The following ZNF385D variants were observed in gnomAD, a reference collection of about 807,000 sequenced individuals.
The protein encoded by ZNF385D is zinc finger protein 385D.
ZNF385D carries 15 observed loss-of-function variants against 35.8 expected under a neutral mutation model. The ratio of observed to expected loss-of-function variants is 0.42; its 90% CI spans 0.28 to 0.64. The LOEUF (loss-of-function observed/expected upper bound fraction) is 0.64. Among genes scored for constraint, ZNF385D ranks in the 30% least tolerant of loss-of-function variants. ZNF385D has a pLI of 0.23. For missense variants in ZNF385D, 474 were observed against 494.6 expected (o/e 0.96, Z 0.39); for synonymous variants, 212 against 186.8 (o/e 1.13, Z -1.10).
intron 3 of ZNF385D, among the ~76,000 whole-genome samples, chr3:21,923,596 T>C (rs950596602): frequency 1.3e-4 from 20 of 152,134 alleles, no homozygotes; most frequent in African/African-American, 4.6e-4. Flanking sequence ...ACCAAAGATA[T>C]GGAATCAACC....
At chr3:22,214,761 TGATAA>T (rs1171248725) in intron 2 of ZNF385D, among the ~76,000 whole-genome samples, 3 of 152,184 alleles carry the variant, frequency 2.0e-5, no homozygotes, top group Admixed American at 1.3e-4. Context: ...CCCTGTCTCC[TGATAA>T]GATGTTATCA....
intron 3 of ZNF385D, among the ~76,000 whole-genome samples, chr3:22,161,818 C>G (rs756008715): frequency 6.6e-6 from 1 of 152,092 alleles, no homozygotes; most frequent in Non-Finnish European, 1.5e-5. Context: ...ATGACATAAA[C>G]TCAATAACAT....
rs150704910 is a variant in ZNF385D, at chr3:22,332,574, T to C, written c.106+39876A>G. On this transcript the variant is annotated intron_variant, in intron 2 of 5. Coordinates refer to the ZNF385D transcript ENST00000494108. Reference sequence around the variant, plus strand: ...TTAATAAAACAAGAGTTGAGAAGAATGGATAGCAAGGAAACAAAAAATTCA... The same window carrying C: ...TTAATAAAACAAGAGTTGAGAAGAACGGATAGCAAGGAAACAAAAAATTCA... Among the ~76,000 whole-genome samples, 1,298 of 151,912 alleles carry C rather than the reference T, an allele frequency of 8.5e-3. 18 individuals carry two copies. The highest frequency in any genetic ancestry group is 0.03 in the African/African-American group (1,248 of 41,460).
chr3:21,418,650 G>A lies in ZNF385D; in HGVS notation c.*2564C>T, dbSNP rs1448957036. 1 of 152,158 alleles carries A rather than the reference G, an allele frequency of 6.6e-6. No individual in the cohort carries two copies. The highest frequency in any genetic ancestry group is 1.5e-5 in the Non-Finnish European group (1 of 68,008). The allele number at this position is 152,158 out of a possible 1,614,324, so 9.4% of individuals were successfully genotyped here. ...GTAATGCCTTGTGACCCAGGACACT[G>A]TGTATCCCATAGGCCCTGATTTTTA... On this transcript the variant is annotated 3_prime_UTR_variant, in exon 8 of 8. Coordinates refer to ENST00000281523, the MANE Select transcript of ZNF385D (RefSeq NM_024697.3).
intron 2 of ZNF385D, among the ~76,000 whole-genome samples, chr3:21,608,012 C>CTTCTTTTTTTTTTTTTTT (rs2064536095): frequency 9.7e-5 from 12 of 123,956 alleles, no homozygotes; most frequent in African/African-American, 3.8e-4. Flanking sequence ...TCTTTTTCTT[C>CTTCTTTTTTTTTTTTTTT]TTTTTTTTTT....
intron 2 of ZNF385D, among the ~76,000 whole-genome samples, chr3:22,189,712 AT>A (rs1317137050): frequency 2.6e-5 from 4 of 152,110 alleles, no homozygotes; most frequent in Non-Finnish European, 5.9e-5. Context: ...ATATTTTTAG[AT>A]TTGTATGCCT....
chr3:21,937,655 ATGAC>A lies in ZNF385D; in HGVS notation c.325+231158_325+231161del, dbSNP rs563856649. Among the ~76,000 whole-genome samples the A allele has an allele frequency of 2.5e-3, 376 of 152,124 alleles. 1 individual carries two copies. Among genetic ancestry groups the A allele is most frequent in the African/African-American group, 8.6e-3 (358 of 41,572 alleles). ...AAACCTGTACATTATAAAAATTTAA[ATGAC>A]GTTATTTTCATGAAATTAAAGAAAA... On this transcript the variant is annotated intron_variant, in intron 3 of 5. Transcript: ENST00000494108.
intron 4 of ZNF385D, among the ~76,000 whole-genome samples, chr3:21,496,626 G>C (rs1575050855): frequency 1.4e-5 from 2 of 145,492 alleles, no homozygotes; most frequent in South Asian, 4.2e-4. Flanking sequence ...CAATATCCTT[G>C]ATGAACATAG....
At chr3:22,092,987 T>C (rs1701409819) in intron 3 of ZNF385D, among the ~76,000 whole-genome samples, 1 of 152,152 alleles carries the variant, frequency 6.6e-6, no homozygotes, top group Non-Finnish European at 1.5e-5. Context: ...CAAATAAACT[T>C]ATCAAAACTT....
chr3:21,630,002 C>T (rs932323429), intron 2 of ZNF385D, among the ~76,000 whole-genome samples: 1 of 103,948 alleles, frequency 9.6e-6, no homozygotes, highest in African/African-American at 3.2e-5. Context: ...GAAAGTGTCC[C>T]TCTGTATATT....
intron 2 of ZNF385D, among the ~76,000 whole-genome samples, chr3:22,238,449 A>C (rs1699310998): frequency 6.6e-6 from 1 of 150,948 alleles, no homozygotes; most frequent in Admixed American, 6.6e-5. Context: ...ACAAATATGA[A>C]ATGCCGTTCC....
At chr3:22,104,944 G>C (rs1245420311) in intron 3 of ZNF385D, among the ~76,000 whole-genome samples, 1 of 152,156 alleles carries the variant, frequency 6.6e-6, no homozygotes, top group Non-Finnish European at 1.5e-5. Flanking sequence ...ACTGAAGCTT[G>C]TTGCAACTTG....
chr3:21,639,600 A>G (rs1033606819), intron 2 of ZNF385D, among the ~76,000 whole-genome samples: 1 of 152,026 alleles, frequency 6.6e-6, no homozygotes, highest in Non-Finnish European at 1.5e-5. Context: ...CCTCATTGGT[A>G]GACACTTGGC....
intron 2 of ZNF385D, among the ~76,000 whole-genome samples, chr3:22,283,527 A>G (rs1000144097): frequency 6.6e-6 from 1 of 152,150 alleles, no homozygotes; most frequent in African/African-American, 2.4e-5. Flanking sequence ...TCTTTCAGTT[A>G]AAGGCAATAT....
chr3:22,206,316 T>G (rs1279163842), intron 2 of ZNF385D, among the ~76,000 whole-genome samples: 1 of 151,896 alleles, frequency 6.6e-6, no homozygotes, highest in Non-Finnish European at 1.5e-5. Context: ...AGATAGACCC[T>G]AATACAATAG....
At position 21,732,030 on chromosome 3, in the gene ZNF385D, G is replaced by GTTTTTTTTTTTTTTTTTTTTTTT. The variant is rs1214143626; in HGVS notation, c.22+18842_22+18864dup. 8.0e-5 allele frequency among the ~76,000 whole-genome samples: 3 copies of GTTTTTTTTTTTTTTTTTTTTTTT among 37,368 alleles called. 1 individual carries two copies. Among genetic ancestry groups the GTTTTTTTTTTTTTTTTTTTTTTT allele is most frequent in the Non-Finnish European group, 1.7e-4 (3 of 17,924 alleles). The allele number at this position is 37,368 out of a possible 152,430, so 24.5% of individuals were successfully genotyped here. A position where few individuals can be genotyped will look rare whatever the true frequency, so the allele number is the denominator to read the frequency against. On this transcript the variant is annotated intron_variant, in intron 1 of 7. Coordinates refer to ENST00000281523, the MANE Select transcript of ZNF385D (RefSeq NM_024697.3). ...TTCAGGGTTTTTTTCTTTTTTCGGG[G>GTTTTTTTTTTTTTTTTTTTTTTT]TTTTTTTTTTTTTTTTTTTTTTTTT...
intron 1 of ZNF385D, among the ~76,000 whole-genome samples, chr3:21,734,188 C>T (rs376695772): frequency 5.9e-5 from 9 of 151,726 alleles, no homozygotes; most frequent in African/African-American, 1.7e-4. Context: ...GTGATATTAG[C>T]GAAGAGTTTG....
chr3:21,911,826 G>A (rs986609533), intron 3 of ZNF385D, among the ~76,000 whole-genome samples: 1 of 152,018 alleles, frequency 6.6e-6, no homozygotes, highest in African/African-American at 2.4e-5. Flanking sequence ...TTTTAGACAA[G>A]TGGTGCTTTA....
At chr3:22,100,807 C>T (rs1039830024) in intron 3 of ZNF385D, among the ~76,000 whole-genome samples, 2 of 151,214 alleles carry the variant, frequency 1.3e-5, no homozygotes, top group African/African-American at 4.9e-5. Context: ...ACATTGTGCA[C>T]ATGTACCCTA....
Sources: allele counts gnomAD v4.1 joint callset (sites outside exome capture counted in the v4.1 genomes callset), GRCh38; gene constraint gnomAD v4.1.1; transcripts MANE v1.5; gene names NCBI Gene and HGNC (gene_info 2026-07-23, HGNC 2026-07-21).